ARHGEF38: variants seen among roughly 807,000 people sequenced by gnomAD.
The protein encoded by ARHGEF38 is Rho guanine nucleotide exchange factor (GEF) 38.
In ARHGEF38, 79 loss-of-function variants were observed where a neutral mutation model predicts 79.9. That is an observed-to-expected ratio of 0.99 (90% CI 0.82 to 1.19). The LOEUF (loss-of-function observed/expected upper bound fraction) is 1.19, where lower values mean the gene tolerates loss of function less well. Ranked by LOEUF, ARHGEF38 falls within the 50% of genes most tolerant of loss-of-function variation. ARHGEF38 has a pLI of 0.00. For missense variants in ARHGEF38, 962 were observed against 907.2 expected (o/e 1.06, Z -0.78); for synonymous variants, 366 against 328.3 (o/e 1.11, Z -1.24).
At chr4:105,567,916 T>G (rs1726014738) in intron 1 of ARHGEF38, among the ~76,000 whole-genome samples, 1 of 148,960 alleles carries the variant, frequency 6.7e-6, no homozygotes, top group South Asian at 2.2e-4. Flanking sequence ...TATTTCCCAG[T>G]GCTATCCCTC....
At chr4:105,582,633 C>G (rs1233786848) in intron 1 of ARHGEF38, among the ~76,000 whole-genome samples, 1 of 152,126 alleles carries the variant, frequency 6.6e-6, no homozygotes, top group East Asian at 1.9e-4. Context: ...AATGTTATAA[C>G]TTAATTTATA....
rs1457655303 is a variant in ARHGEF38, at chr4:105,581,954, AG to A, written c.197-7292del. ...GCCGAGGTGGGTGGATCACGAGGTC[AG>A]GAGCTCGAGACCAGCCTGGCCAACC... is the stretch of plus-strand genomic sequence containing the variant. On this transcript the variant is annotated intron_variant, in intron 1 of 13. Transcript: ENST00000420470. Among the ~76,000 whole-genome samples, 16 of 152,094 alleles carry A rather than the reference AG, an allele frequency of 1.1e-4. No homozygotes were observed. The East Asian group carries it at 2.7e-3, about 26-fold the overall frequency.
chr4:105,565,048 T>C (rs1285550677), intron 1 of ARHGEF38, among the ~76,000 whole-genome samples: 4 of 152,236 alleles, frequency 2.6e-5, no homozygotes, highest in Non-Finnish European at 5.9e-5. Flanking sequence ...TGTCGGAGCC[T>C]GTAAATTCAA....
At position 105,563,665 on chromosome 4, in the gene ARHGEF38, C is replaced by T. The variant is rs547075290; in HGVS notation, c.196+10704C>T. Among the ~76,000 whole-genome samples, 5 of 12,062 alleles carry T rather than the reference C, an allele frequency of 4.1e-4. No homozygotes were observed. In the South Asian group the frequency reaches 0.035, roughly 85 times the overall value. 7.9% of individuals were successfully genotyped at this position (12,062 alleles called of 152,430 possible). On this transcript the variant is annotated intron_variant, in intron 1 of 13. Transcript: ENST00000420470. Reference sequence around the variant, plus strand: ...CATCATGCAGTTTTCCTGTTCTAACCTTAGTTTTTAGTAGTAGTACCTGTT... The same window carrying T: ...CATCATGCAGTTTTCCTGTTCTAACTTTAGTTTTTAGTAGTAGTACCTGTT...
At chr4:105,604,755 A>G (rs888054554) in intron 2 of ARHGEF38, among the ~76,000 whole-genome samples, 1 of 152,178 alleles carries the variant, frequency 6.6e-6, no homozygotes, top group South Asian at 2.1e-4. Context: ...ATGTACACAC[A>G]TTCACACACA....
intron 1 of ARHGEF38, among the ~76,000 whole-genome samples, chr4:105,559,610 A>T (rs1397126038): frequency 6.6e-6 from 1 of 152,128 alleles, no homozygotes; most frequent in Non-Finnish European, 1.5e-5. Context: ...ATTGTTATAA[A>T]ATATATTTAT....
intron 2 of ARHGEF38, among the ~76,000 whole-genome samples, chr4:105,599,898 A>C (rs879836105): frequency 1.1e-3 from 162 of 152,322 alleles, no homozygotes; most frequent in Admixed American, 2.7e-3. Flanking sequence ...TCATCAAAAA[A>C]CTAAGAATCC....
intron 7 of ARHGEF38, among the ~76,000 whole-genome samples, chr4:105,651,016 T>TC (rs773559825): frequency 4.8e-4 from 73 of 151,694 alleles, no homozygotes; most frequent in Middle Eastern, 3.4e-3. Flanking sequence ...GGCAAACAAT[T>TC]CCCCCCCCAA....
chr4:105,561,519 A>AGAATG (rs1725619174), intron 1 of ARHGEF38: 1 of 138,068 alleles, frequency 7.2e-6, no homozygotes. Flanking sequence ...AGAATAGAAT[A>AGAATG]GAATAGAATA....
At position 105,578,599 on chromosome 4, in the gene ARHGEF38, A is replaced by G. The variant is rs539220248; in HGVS notation, c.197-10649A>G. Among the ~76,000 whole-genome samples the G allele has an allele frequency of 4.6e-5, 7 of 152,228 alleles. No homozygotes were observed. In the East Asian group the frequency reaches 1.3e-3, roughly 29 times the overall value. On this transcript the variant is annotated intron_variant, in intron 1 of 13. Transcript: ENST00000420470. Reference sequence around the variant, plus strand: ...TTTATGAAGATGGGAGCTCCCGTGTAAGGTACATATGAATTTAGGATTATG... The same window carrying G: ...TTTATGAAGATGGGAGCTCCCGTGTGAGGTACATATGAATTTAGGATTATG...
intron 2 of ARHGEF38, among the ~76,000 whole-genome samples, chr4:105,607,702 T>C (rs1225152311): frequency 6.6e-6 from 1 of 152,060 alleles, no homozygotes. Context: ...GAAAGTAACA[T>C]TTTGGCTACA....
At chr4:105,647,734 TC>T (rs1362919083) in intron 6 of ARHGEF38, among the ~76,000 whole-genome samples, 1 of 152,192 alleles carries the variant, frequency 6.6e-6, no homozygotes, top group African/African-American at 2.4e-5. Flanking sequence ...TTTAATGTTT[TC>T]AACATTATGA....
At chr4:105,592,646 T>C (rs1272727378) in intron 2 of ARHGEF38, among the ~76,000 whole-genome samples, 1 of 152,194 alleles carries the variant, frequency 6.6e-6, no homozygotes, top group Non-Finnish European at 1.5e-5. Context: ...TAATCTCTTA[T>C]AAAATTCATG....
intron 1 of ARHGEF38, among the ~76,000 whole-genome samples, chr4:105,587,214 G>A (rs1010647981): frequency 2.0e-5 from 3 of 152,118 alleles, no homozygotes; most frequent in Non-Finnish European, 2.9e-5. Context: ...AAGCTCAGGT[G>A]GGAGGATTGC....
intron 1 of ARHGEF38, among the ~76,000 whole-genome samples, chr4:105,565,420 G>A (rs1725838963): frequency 6.6e-6 from 1 of 152,150 alleles, no homozygotes; most frequent in African/African-American, 2.4e-5. Context: ...ATGTTGGTAG[G>A]GCTCGACGCA....
chr4:105,649,819 A>G (rs1730023420), intron 7 of ARHGEF38, among the ~76,000 whole-genome samples: 1 of 152,172 alleles, frequency 6.6e-6, no homozygotes, highest in Non-Finnish European at 1.5e-5. Flanking sequence ...TTCAATCTTG[A>G]CACTATTCAT....
At chr4:105,661,131 G>GTTTCTATTTAGCATAACA (rs527854122) in intron 10 of ARHGEF38, among the ~76,000 whole-genome samples, 340 of 152,212 alleles carry the variant, frequency 2.2e-3, no homozygotes, top group Non-Finnish European at 3.9e-3. Context: ...ACATTTCAGG[G>GTTTCTATTTAGCATAACA]TTTCTTCATG....
At chr4:105,650,824 G>C (rs540943906) in intron 7 of ARHGEF38, among the ~76,000 whole-genome samples, 1 of 152,244 alleles carries the variant, frequency 6.6e-6, no homozygotes, top group East Asian at 1.9e-4. Context: ...GCATGTAAGA[G>C]GTTCCTCTTC....
intron 2 of ARHGEF38, among the ~76,000 whole-genome samples, chr4:105,595,709 C>G (rs1389871370): frequency 1.3e-5 from 2 of 151,988 alleles, no homozygotes; most frequent in Non-Finnish European, 2.9e-5. Context: ...TACACATAAC[C>G]TACACACATC....
Sources: allele counts gnomAD v4.1 joint callset (sites outside exome capture counted in the v4.1 genomes callset), GRCh38; gene constraint gnomAD v4.1.1; transcripts MANE v1.5; gene names NCBI Gene and HGNC (gene_info 2026-07-23, HGNC 2026-07-21).